Variants in IPP observed in about 807,000 individuals in gnomAD.
IPP encodes actin-binding protein IPP.
Under a neutral mutation model 64.1 loss-of-function variants are expected in IPP, and 41 were observed. The ratio of observed to expected loss-of-function variants is 0.64; its 90% CI spans 0.50 to 0.83. The LOEUF (loss-of-function observed/expected upper bound fraction) is 0.83, where lower values mean the gene tolerates loss of function less well. Among genes scored for constraint, IPP ranks in the 40% least tolerant of loss-of-function variants. IPP has a pLI of 0.00. For missense variants in IPP, 649 were observed against 703.0 expected (o/e 0.92, Z 0.87); for synonymous variants, 214 against 235.2 (o/e 0.91, Z 0.83).
chr1:45,723,734 A>G (rs1453477455), intron 5 of IPP, among the ~76,000 whole-genome samples: 1 of 152,146 alleles, frequency 6.6e-6, no homozygotes, highest in Non-Finnish European at 1.5e-5. Flanking sequence ...TTCCTATATC[A>G]CCATAATTTA....
At chr1:45,721,455 T>C (rs933074446) in intron 5 of IPP, among the ~76,000 whole-genome samples, 1 of 152,208 alleles carries the variant, frequency 6.6e-6, no homozygotes, top group Non-Finnish European at 1.5e-5. Context: ...ACTTCCCACA[T>C]GTTGTCACAA....
At chr1:45,725,779 G>A (rs545644588) in intron 5 of IPP, among the ~76,000 whole-genome samples, 48 of 136,918 alleles carry the variant, frequency 3.5e-4, no homozygotes, top group Admixed American at 3.0e-3. Context: ...CTGTTGATCT[G>A]TGACCTTACC....
rs1285834929 is a variant in IPP at position 45,740,906 on chromosome 1, A to G, written c.719T>C (p.Ile240Thr). 4 of 1,575,988 alleles carry G rather than the reference A, an allele frequency of 2.5e-6. No individual in the cohort carries two copies. Among genetic ancestry groups the G allele is most frequent in the African/African-American group, 1.4e-5 (1 of 73,136 alleles). ...LLPPQRLLKY[I>T]EGVSDFNLRV... is the part of the protein sequence containing the mutation. ...ATATATAGCAAAAAAGTTACCTTCTATATACTTTAAAAGTCTCTGAGGAGG... is the reference window on the plus strand; with the variant it reads ...ATATATAGCAAAAAAGTTACCTTCTGTATACTTTAAAAGTCTCTGAGGAGG... The change falls in exon 3 of 9, where the codon ATA (isoleucine) becomes ACA (threonine). Residue 240 changes from isoleucine (I) to threonine (T), a missense_variant. Physicochemically the swap from Ile to Thr is moderately conservative, Grantham distance 89. Transcript: ENST00000396478.
chr1:45,738,631 G>A (rs1219548458), intron 3 of IPP, among the ~76,000 whole-genome samples: 1 of 151,992 alleles, frequency 6.6e-6, no homozygotes, highest in Non-Finnish European at 1.5e-5. Context: ...ACGAGGTCAG[G>A]AGATCGAGAC....
At chr1:45,706,235 T>A (rs977492813) in intron 8 of IPP, among the ~76,000 whole-genome samples, 10 of 151,576 alleles carry the variant, frequency 6.6e-5, no homozygotes, top group African/African-American at 9.7e-5. Context: ...CCAAAAAGAG[T>A]CATGCTTTAG....
At chr1:45,747,834 CAAAAAAAAAAAAAAA>C (rs60576414) in intron 1 of IPP, among the ~76,000 whole-genome samples, 112 of 39,308 alleles carry the variant, frequency 2.8e-3, no homozygotes, top group African/African-American at 9.3e-3. Context: ...GACTCTGTCT[CAAAAAAAAAAAAAAA>C]AAAAAAAAAA....
At chr1:45,744,837 CAAA>C (rs34472879) in intron 2 of IPP, among the ~76,000 whole-genome samples, 1 of 130,056 alleles carries the variant, frequency 7.7e-6, no homozygotes. Flanking sequence ...GACTCTGTCT[CAAA>C]AAAAAAAAAA....
intron 2 of IPP, among the ~76,000 whole-genome samples, chr1:45,743,386 C>T (rs765206168): frequency 3.0e-4 from 45 of 150,484 alleles, no homozygotes; most frequent in Non-Finnish European, 5.0e-4. Context: ...TACAGGTGTG[C>T]GCCACTAAGC....
chr1:45,700,196 T>G lies in IPP; in HGVS notation c.1531-6A>C. 1.9e-6 allele frequency: 3 copies of G among 1,585,392 alleles called. No individual in the cohort carries two copies. Among genetic ancestry groups the G allele is most frequent in the Non-Finnish European group, 2.6e-6 (3 of 1,169,266 alleles). ...GCAACTTCAACCCACTTTTCCTGGT[T>G]AAGAGAGAAAAAAAAAATATGTTAG... On this transcript the variant is annotated splice_region_variant and splice_polypyrimidine_tract_variant and intron_variant, in intron 8 of 8. Coordinates refer to ENST00000396478, the MANE Select transcript of IPP (RefSeq NM_005897.3).
chr1:45,698,897 T>A lies in IPP; in HGVS notation c.*1069A>T, dbSNP rs1247741354. 1.2e-5 allele frequency: 4 copies of A among 343,024 alleles called. No homozygotes were observed. The highest frequency in any genetic ancestry group is 1.6e-5 in the Non-Finnish European group (4 of 243,204). 21.2% of individuals were successfully genotyped at this position (343,024 alleles called of 1,614,324 possible). ...CAACGCCCGGCTAATTTTTATATAT[T>A]TTTTGGTAGAGACGGAGTCTCATCA... On this transcript the variant is annotated 3_prime_UTR_variant, in exon 9 of 9. Transcript: ENST00000396478.
chr1:45,727,136 G>C (rs1280814417), intron 5 of IPP, among the ~76,000 whole-genome samples: 1 of 152,014 alleles, frequency 6.6e-6, no homozygotes, highest in Non-Finnish European at 1.5e-5. Flanking sequence ...TGCAACCTCT[G>C]CCTCCTGGGC....
chr1:45,720,578 C>T (rs538257656), intron 5 of IPP, among the ~76,000 whole-genome samples: 29 of 151,866 alleles, frequency 1.9e-4, no homozygotes, highest in African/African-American at 5.1e-4. Flanking sequence ...CAAGCATTCT[C>T]GGAAAAGAAT....
intron 1 of IPP, among the ~76,000 whole-genome samples, chr1:45,749,506 T>G (rs80334249): frequency 7.6e-5 from 11 of 145,674 alleles, no homozygotes; most frequent in African/African-American, 2.3e-4. Flanking sequence ...TTTTTTTTTT[T>G]GTTTTGTTTT....
Position 45,699,637 on chromosome 1 carries a change from A to C in IPP, c.*329T>G, listed in dbSNP as rs1423648573. ...ATATATTCCATATCCATTCTCACTC[A>C]TATTTTTAGAAAAATCATTCTTGAG... On this transcript the variant is annotated 3_prime_UTR_variant, in exon 9 of 9. Coordinates refer to ENST00000396478, the MANE Select transcript of IPP (RefSeq NM_005897.3). 7 of 1,055,956 alleles carry C rather than the reference A, an allele frequency of 6.6e-6. No homozygotes were observed. Among genetic ancestry groups the C allele is most frequent in the Non-Finnish European group, 8.0e-6 (7 of 870,938 alleles). 65.4% of individuals were successfully genotyped at this position (1,055,956 alleles called of 1,614,324 possible). A position where few individuals can be genotyped will look rare whatever the true frequency, so the allele number is the denominator to read the frequency against.
At position 45,749,884 on chromosome 1, in the gene IPP, C is replaced by CA. The variant is rs199809117; in HGVS notation, c.-51+712dup. On this transcript the variant is annotated intron_variant, in intron 1 of 8. Transcript: ENST00000396478. ...GGGCAATACAGCGAGCCCCCCGCCG[C>CA]AAAAAAAATTGTTTTAACATTAGCT... Among the ~76,000 whole-genome samples, 839 of 151,698 alleles carry CA rather than the reference C, an allele frequency of 5.5e-3. 7 individuals carry two copies. Among genetic ancestry groups the CA allele is most frequent in the African/African-American group, 0.018 (759 of 41,384 alleles).
At chr1:45,744,549 A>AT (rs940877653) in intron 2 of IPP, among the ~76,000 whole-genome samples, 38 of 150,778 alleles carry the variant, frequency 2.5e-4, no homozygotes, top group Admixed American at 2.2e-3. Context: ...ATTAAAAAAA[A>AT]TTTTTTTTTG....
At chr1:45,705,805 C>CAACA (rs147394941) in intron 8 of IPP, among the ~76,000 whole-genome samples, 33 of 151,478 alleles carry the variant, frequency 2.2e-4, no homozygotes, top group South Asian at 6.3e-4. Context: ...GACATCGTCT[C>CAACA]AACAAACAAA....
chr1:45,713,577 T>C (rs1422258747), intron 8 of IPP, among the ~76,000 whole-genome samples: 1 of 150,404 alleles, frequency 6.6e-6, no homozygotes, highest in Non-Finnish European at 1.5e-5. Context: ...AAAAAATTAC[T>C]CTTTTGAGAG....
intron 8 of IPP, among the ~76,000 whole-genome samples, chr1:45,708,194 G>A (rs1347962574): frequency 6.6e-6 from 1 of 151,228 alleles, no homozygotes. Context: ...CCTCCCAAGT[G>A]GCTAGGACTA....
Sources: allele counts gnomAD v4.1 joint callset (sites outside exome capture counted in the v4.1 genomes callset), GRCh38; gene constraint gnomAD v4.1.1; transcripts MANE v1.5; gene names NCBI Gene and HGNC (gene_info 2026-07-23, HGNC 2026-07-21).